The following ZNF644 variants were observed in gnomAD, a reference collection of about 807,000 sequenced individuals.
ZNF644 encodes the protein zinc finger protein 644, also known as zinc finger motif enhancer binding protein 2.
A neutral mutation model predicts 108.0 loss-of-function variants in ZNF644; 20 were observed. The ratio of observed to expected loss-of-function variants is 0.19; its 90% CI spans 0.13 to 0.27. The LOEUF (loss-of-function observed/expected upper bound fraction) is 0.27, where lower values mean the gene tolerates loss of function less well. Among genes scored for constraint, ZNF644 ranks in the 10% least tolerant of loss-of-function variants. The probability of loss-of-function intolerance (pLI) is 1.00; values close to 1 mark genes in which losing one functional copy is unlikely to be tolerated. For missense variants in ZNF644, 1,338 were observed against 1,548.9 expected, an observed-to-expected ratio of 0.86 and a Z score of 2.29; for synonymous variants, 542 against 539.1, an observed-to-expected ratio of 1.01 and a Z score of -0.08.
chr1:90,937,280 G>T (rs1021337440), intron 4 of ZNF644, among the ~76,000 whole-genome samples: 1 of 151,868 alleles, frequency 6.6e-6, no homozygotes, highest in African/African-American at 2.4e-5. Context: ...CAAGAAAAGA[G>T]GCACAGAGAA....
chr1:90,928,606 A>T (rs954253383), intron 4 of ZNF644, among the ~76,000 whole-genome samples: 2 of 151,902 alleles, frequency 1.3e-5, no homozygotes, highest in African/African-American at 2.4e-5. Context: ...TACAAGTGTG[A>T]GCCACCACGC....
At chr1:90,989,633 C>T (rs950027700) in intron 1 of ZNF644, among the ~76,000 whole-genome samples, 1 of 152,160 alleles carries the variant, frequency 6.6e-6, no homozygotes, top group African/African-American at 2.4e-5. Context: ...CTTACATCCA[C>T]TAGAGGCTGT....
chr1:90,953,766 A>G (rs1352056823), intron 2 of ZNF644, among the ~76,000 whole-genome samples: 2 of 151,910 alleles, frequency 1.3e-5, no homozygotes, highest in Non-Finnish European at 2.9e-5. Flanking sequence ...AATACAAAAA[A>G]TTAGCCAGGT....
At chr1:90,951,927 CT>C (rs1166795080) in intron 2 of ZNF644, among the ~76,000 whole-genome samples, 1 of 152,086 alleles carries the variant, frequency 6.6e-6, no homozygotes, top group African/African-American at 2.4e-5. Flanking sequence ...TACAGAGCTC[CT>C]TAGGCAGACA....
At chr1:91,006,706 C>T (rs1290085771) in intron 1 of ZNF644, among the ~76,000 whole-genome samples, 1 of 152,142 alleles carries the variant, frequency 6.6e-6, no homozygotes, top group Non-Finnish European at 1.5e-5. Flanking sequence ...CTTCAGACCT[C>T]CTGTACAGCC....
chr1:90,972,271 T>C (rs1023754763), intron 2 of ZNF644, among the ~76,000 whole-genome samples: 1 of 152,148 alleles, frequency 6.6e-6, no homozygotes, highest in Non-Finnish European at 1.5e-5. Context: ...CTAGAACATA[T>C]ACAGAACTAC....
intron 4 of ZNF644, among the ~76,000 whole-genome samples, chr1:90,920,008 T>C (rs896241862): frequency 6.6e-6 from 1 of 152,106 alleles, no homozygotes; most frequent in African/African-American, 2.4e-5. Flanking sequence ...AAATACCTTA[T>C]GCTTTGTACC....
chr1:90,996,345 T>C (rs1414640170), intron 1 of ZNF644, among the ~76,000 whole-genome samples: 1 of 152,186 alleles, frequency 6.6e-6, no homozygotes, highest in Admixed American at 6.5e-5. Flanking sequence ...AAAATCAACA[T>C]TCTGTGAACT....
rs1221882350 is a variant in ZNF644, at chr1:90,918,094, G to A, written c.3749C>T (p.Thr1250Ile). ...AACCTCGTCAGCACCATGAGGTAAT[G>A]TTAGCATTTTCTTCTTGCTTCCAGA... is the stretch of plus-strand genomic sequence containing the variant. ...SRSGSKKKML[T>I]LPHGADEVYI... The change falls in exon 5 of 6, where the codon ACA (threonine) becomes ATA (isoleucine). Residue 1250 changes from threonine to isoleucine, a missense_variant. By Grantham distance (89) the Thr-to-Ile change is moderately conservative. This residue lies in a region of ZNF644 where 287 missense variants were observed against 310.9 expected (regional missense o/e 0.92). Transcript: ENST00000337393. The A allele has an allele frequency of 1.9e-6, 3 of 1,614,068 alleles. No homozygotes were observed. The highest frequency in any genetic ancestry group is 1.7e-4 in the Middle Eastern group (1 of 6,060).
At chr1:90,921,452 T>C (rs944208218) in intron 4 of ZNF644, among the ~76,000 whole-genome samples, 1 of 152,036 alleles carries the variant, frequency 6.6e-6, no homozygotes, top group African/African-American at 2.4e-5. Flanking sequence ...CTCTTTTCTC[T>C]TTACAAAGTA....
intron 1 of ZNF644, among the ~76,000 whole-genome samples, chr1:90,998,483 G>A (rs1397805304): frequency 6.6e-6 from 1 of 152,194 alleles, no homozygotes; most frequent in African/African-American, 2.4e-5. Context: ...GCAGCTGAGG[G>A]TCCTCACTGT....
chr1:90,987,922 G>C (rs900094824), intron 1 of ZNF644, among the ~76,000 whole-genome samples: 9 of 152,000 alleles, frequency 5.9e-5, no homozygotes, highest in Admixed American at 2.6e-4. Context: ...CATAATAAAA[G>C]CCATACATGA....
chr1:91,007,506 G>A (rs354637), intron 1 of ZNF644, among the ~76,000 whole-genome samples: 10,643 of 151,698 alleles, frequency 0.07, 398 homozygotes, highest in Middle Eastern at 0.12. Context: ...GAGCCACTGC[G>A]CCCAGCAAAT....
In ZNF644 at chr1:90,939,469, C is replaced by A. The variant is rs1651720741; in HGVS notation, c.1885G>T (p.Asp629Tyr). ...CTATCTACAGGTTCTTCAAGGATGT[C>A]ATTTTTTCTTTTATCAAGTCCAAGA... ...SPLGLDKRKN[D>Y]ILEEPVDSDS... Residue 629 changes from aspartate to tyrosine, a missense_variant, in exon 3 of 6, where the codon GAC becomes TAC. Around this residue, in one of 6 missense-constraint regions of ZNF644, gnomAD observed 462 missense variants for 472.6 expected, o/e 0.98. Coordinates refer to ENST00000337393, the MANE Select transcript of ZNF644 (RefSeq NM_201269.3). 6.2e-7 allele frequency: 1 copy of A among 1,613,570 alleles called. No homozygotes were observed. The highest frequency in any genetic ancestry group is 1.3e-5 in the African/African-American group (1 of 74,896).
In ZNF644 at chr1:90,937,708, TTCA is replaced by T; in HGVS notation, c.3462_3464del (p.Asp1154del). Reference sequence around the variant, plus strand: ...TCCCACTGGGCAGTTCTGGTTTTGTTTCATCATATTCATTTAAGAAATTCAGCC... The same window carrying T: ...TCCCACTGGGCAGTTCTGGTTTTGTTTCATATTCATTTAAGAAATTCAGCC... On this transcript the variant is annotated inframe_deletion, in exon 4 of 6. Coordinates refer to ENST00000337393, the MANE Select transcript of ZNF644 (RefSeq NM_201269.3). 1 of 1,613,910 alleles carries T rather than the reference TTCA, an allele frequency of 6.2e-7. No homozygotes were observed. Among genetic ancestry groups the T allele is most frequent in the Non-Finnish European group, 8.5e-7 (1 of 1,179,890 alleles).
intron 2 of ZNF644, among the ~76,000 whole-genome samples, chr1:90,967,688 G>A (rs1423062978): frequency 6.6e-6 from 1 of 151,976 alleles, no homozygotes; most frequent in Non-Finnish European, 1.5e-5. Flanking sequence ...ACTTCAACTG[G>A]TTTCATCAGA....
At chr1:90,945,767 GC>G (rs1652451385) in intron 2 of ZNF644, among the ~76,000 whole-genome samples, 1 of 151,976 alleles carries the variant, frequency 6.6e-6, no homozygotes, top group South Asian at 2.1e-4. Context: ...TAGAAAATTA[GC>G]TTAATTTCAT....
At chr1:91,015,460 C>T (rs1235680967) in intron 1 of ZNF644, among the ~76,000 whole-genome samples, 3 of 152,216 alleles carry the variant, frequency 2.0e-5, no homozygotes, top group African/African-American at 4.8e-5. Context: ...ATTACAAATA[C>T]GCATAGCCAC....
At chr1:90,998,193 G>T (rs759505245) in intron 1 of ZNF644, among the ~76,000 whole-genome samples, 2 of 152,204 alleles carry the variant, frequency 1.3e-5, no homozygotes, top group Admixed American at 1.3e-4. Context: ...GCTTTGAAGC[G>T]AGTAGTGGTT....
Sources: gnomAD v4.1 joint callset for allele counts (sites outside exome capture counted in the v4.1 genomes callset) on GRCh38, gnomAD v4.1.1 for gene constraint, gnomAD v4.1.1 regional missense constraint, MANE v1.5 for transcripts, NCBI Gene and HGNC (gene_info 2026-07-23, HGNC 2026-07-21) for gene names.